The following TTN variants were observed in gnomAD, a reference collection of about 807,000 sequenced individuals.
TTN encodes the protein connectin.
In TTN, 1,525 loss-of-function variants were observed where a neutral mutation model predicts 3,223.0. The ratio of observed to expected loss-of-function variants is 0.47; its 90% confidence interval spans 0.45 to 0.49. The LOEUF (loss-of-function observed/expected upper bound fraction) is 0.49. Ranked by LOEUF, TTN falls within the 20% of genes least tolerant of loss-of-function variation. The probability of loss-of-function intolerance (pLI) is 0.00; values close to 1 mark genes in which losing one functional copy is unlikely to be tolerated. For missense variants in TTN, 40,786 were observed against 43,424.0 expected (o/e 0.94, Z 5.40); for synonymous variants, 14,094 against 15,161.0 (o/e 0.93, Z 5.17).
rs1316888674 is a variant in TTN at position 178,553,655 on chromosome 2, C to G, written c.89350G>C (p.Val29784Leu). ...GTTCTGACCTCTCCTTTGGTAGAGA[C>G]AGTAGTCCATTCCTCTTCCTCTCCT... Reference protein sequence around the residue: ...RQGEEEEWTTVSTKGEVRTTE... With the variant: ...RQGEEEEWTTLSTKGEVRTTE... Residue 29784 changes from valine to leucine, a missense_variant, in exon 334 of 363, where the codon GTC becomes CTC. Transcript: ENST00000589042. The G allele has an allele frequency of 1.2e-6, 2 of 1,613,746 alleles. No homozygotes were observed. The highest frequency in any genetic ancestry group is 8.5e-7 in the Non-Finnish European group (1 of 1,179,822).
At position 178,616,269 on chromosome 2, in the gene TTN, CACAAG is replaced by C. The variant is rs376890023; in HGVS notation, c.48312+205_48312+209del. Among the ~76,000 whole-genome samples the C allele has an allele frequency of 4.4e-3, 673 of 151,778 alleles. 4 individuals are homozygous for C. The highest frequency in any genetic ancestry group is 0.016 in the African/African-American group (645 of 41,438). On this transcript the variant is annotated intron_variant, in intron 257 of 362. Coordinates refer to ENST00000589042, the MANE Select transcript of TTN (RefSeq NM_001267550.2). ...TTTTTATTACAAATTTGGTAAGGCT[CACAAG>C]ACAAGACAATTACAATTATACAATC...
At chr2:178,679,782 C>A in intron 140 of TTN, 100 bp from the exon 141 acceptor site, 1 of 1,545,924 alleles carries the variant, frequency 6.5e-7, no homozygotes, top group Non-Finnish European at 8.8e-7. Context: ...AAAATATCTG[C>A]TTTAAAGTAA....
Position 178,664,075 on chromosome 2 carries a change from T to A in TTN, c.36304A>T (p.Ile12102Phe), listed in dbSNP as rs747495121. The A allele has an allele frequency of 6.2e-7, 1 of 1,612,846 alleles. No individual in the cohort carries two copies. The highest frequency in any genetic ancestry group is 1.1e-5 in the South Asian group (1 of 91,012). The change falls in exon 169 of 363, where the codon ATC (isoleucine) becomes TTC (phenylalanine). Residue 12102 changes from isoleucine (I) to phenylalanine (F), a missense_variant. Ile to Phe is a conservative substitution (Grantham distance 21). Coordinates refer to ENST00000589042, the MANE Select transcript of TTN (RefSeq NM_001267550.2). ...VKVHEAPKEI[I>F]PEKKVSVVPP... Reference sequence around the variant, plus strand: ...ACCACCGACACTTTCTTTTCAGGGATAATCTCTTTGGGAGCTTCGTGCACT... The same window carrying A: ...ACCACCGACACTTTCTTTTCAGGGAAAATCTCTTTGGGAGCTTCGTGCACT...
At position 178,617,768 on chromosome 2, in the gene TTN, G is replaced by A; in HGVS notation, c.47572+11C>T. 6.2e-7 allele frequency: 1 copy of A among 1,603,220 alleles called. No individual in the cohort carries two copies. Among genetic ancestry groups the A allele is most frequent in the African/African-American group, 1.4e-5 (1 of 73,900 alleles). On this transcript the variant is annotated intron_variant, in intron 253 of 362. Transcript: ENST00000589042. ...CATGCAGTAATTATTTCCCTTTTTT[G>A]ATGGGCTTACCAATTGGATCAGCAA...
At chr2:178,537,951 T>C in intron 354 of TTN, 34 bp from the exon 355 acceptor site, 2 of 1,510,608 alleles carry the variant, frequency 1.3e-6, no homozygotes, top group Non-Finnish European at 1.8e-6. Context: ...TAAGTGACTG[T>C]TAATACTCAA....
chr2:178,770,911 T>A lies in TTN; in HGVS notation c.8117-236A>T, dbSNP rs1047695894. Reference sequence around the variant, plus strand: ...ATGCTTTAGTAGTATGAAGTTTGCATAGCTATGTATTAGCAGCATAATAGA... The same window carrying A: ...ATGCTTTAGTAGTATGAAGTTTGCAAAGCTATGTATTAGCAGCATAATAGA... On this transcript the variant is annotated intron_variant, in intron 34 of 362. Transcript: ENST00000589042. 2.9e-5 allele frequency: 23 copies of A among 794,738 alleles called. No individual in the cohort carries two copies. In the Middle Eastern group the frequency reaches 1.8e-3, roughly 62 times the overall value. The allele number at this position is 794,738 out of a possible 1,614,324, so 49.2% of individuals were successfully genotyped here.
chr2:178,548,708 T>G lies in TTN; in HGVS notation c.92918A>C (p.His30973Pro). 6.2e-7 allele frequency: 1 copy of G among 1,613,904 alleles called. No individual in the cohort carries two copies. Among genetic ancestry groups the G allele is most frequent in the Non-Finnish European group, 8.5e-7 (1 of 1,179,800 alleles). The change falls in exon 339 of 363, where the codon CAT becomes CCT. Residue 30973 changes from histidine (H) to proline (P), a missense_variant. Transcript: ENST00000589042. The surrounding 1 kb of genome is among the most constrained non-coding windows in gnomAD (Gnocchi z 4.3). ...DSNLSLRADIHTTDSFSTLTV... is the reference protein window; with the variant it reads ...DSNLSLRADIPTTDSFSTLTV... The stretch of plus-strand genomic sequence containing the variant: ...GAGGGTGCTGAAGGAATCTGTTGTA[T>G]GGATATCAGCCCGAAGGCTAAGGTT...
At chr2:178,791,555 T>C (rs2093494673) in intron 10 of TTN, among the ~76,000 whole-genome samples, 1 of 152,052 alleles carries the variant, frequency 6.6e-6, no homozygotes, top group South Asian at 2.1e-4. Flanking sequence ...CAACCGTGAA[T>C]TGAAGGAATT....
Position 178,652,535 on chromosome 2 carries a change from T to C in TTN, c.39050A>G (p.Glu13017Gly), listed in dbSNP as rs368056479. The C allele has an allele frequency of 4.0e-5, 65 of 1,613,282 alleles. No individual in the cohort carries two copies. In the East Asian group the frequency reaches 1.3e-3, roughly 33 times the overall value. Residue 13017 changes from glutamate (E) to glycine (G), a missense_variant, in exon 202 of 363, where the codon GAG (glutamate) becomes GGG (glycine). Coordinates refer to ENST00000589042, the MANE Select transcript of TTN (RefSeq NM_001267550.2). The part of the protein sequence containing the change: ...KPEVPPVKVP[E>G]APKEVVPEKK... ...TTCAGGAACAACTTCTTTCGGAGCC[T>C]CTGGCACTTAAAAGATATTAGTGAA...
chr2:178,547,286 G>C lies in TTN; in HGVS notation c.94239C>G (p.Thr31413=). 1.9e-6 allele frequency: 3 copies of C among 1,609,904 alleles called. No homozygotes were observed. Among genetic ancestry groups the C allele is most frequent in the Non-Finnish European group, 2.5e-6 (3 of 1,177,428 alleles). The change falls in exon 340 of 363, where the codon ACC becomes ACG. Residue 31413 remains threonine (T), a synonymous_variant. Transcript: ENST00000589042. ...CAGACACATGGTAGACCTCAGGTCTGGTAGGAGCGCTTGGTGGGACTAAAT... is the reference window on the plus strand; with the variant it reads ...CAGACACATGGTAGACCTCAGGTCTCGTAGGAGCGCTTGGTGGGACTAAAT... ...EHPFVPPSAP[T]RPEVYHVSAN...
Position 178,695,408 on chromosome 2 carries a change from A to T in TTN, c.31210T>A (p.Ser10404Thr). The change falls in exon 115 of 363, where the codon TCA (serine) becomes ACA (threonine). Residue 10404 changes from serine (S) to threonine (T), a missense_variant and splice_region_variant. Physicochemically the swap from Ser to Thr is moderately conservative, Grantham distance 58 (BLOSUM62 1). Coordinates refer to ENST00000589042, the MANE Select transcript of TTN (RefSeq NM_001267550.2). ...TTGGCTGGAACTTTTCTCTCATGTG[A>T]TTCTGAAATAAAAACACAGGAATAA... ...IQVQKEVYEE[S>T]HERKVPAKVP... 6.2e-7 allele frequency: 1 copy of T among 1,611,986 alleles called. No individual in the cohort carries two copies. Among genetic ancestry groups the T allele is most frequent in the South Asian group, 1.1e-5 (1 of 90,938 alleles).
Position 178,530,401 on chromosome 2 carries a change from G to C in TTN, c.106214C>G (p.Thr35405Ser), listed in dbSNP as rs1688580203. 6.2e-7 allele frequency: 1 copy of C among 1,613,874 alleles called. No homozygotes were observed. Among genetic ancestry groups the C allele is most frequent in the Non-Finnish European group, 8.5e-7 (1 of 1,179,860 alleles). The change falls in exon 358 of 363, where the codon ACC (threonine) becomes AGC (serine). Residue 35405 changes from threonine to serine, a missense_variant. Thr to Ser is a moderately conservative substitution (Grantham distance 58, BLOSUM62 1). Coordinates refer to ENST00000589042, the MANE Select transcript of TTN (RefSeq NM_001267550.2). ...AGGAGCTTTTGGTTCAGTTTTTCTG[G>C]TTACTGTTGACTCAGTGGTTTTCTG... ...SDQKTTESTVTRKTEPKAPEP... is the reference protein window; with the variant it reads ...SDQKTTESTVSRKTEPKAPEP...
In TTN at chr2:178,730,854, T is replaced by TG; in HGVS notation, c.17741-63_17741-62insC. 6 of 1,530,942 alleles carry TG rather than the reference T, an allele frequency of 3.9e-6. No homozygotes were observed. The South Asian group carries it at 8.0e-5, about 20-fold the overall frequency. 94.8% of individuals were successfully genotyped at this position (1,530,942 alleles called of 1,614,324 possible). A position where few individuals can be genotyped will look rare whatever the true frequency, so the allele number is the denominator to read the frequency against. On this transcript the variant is annotated intron_variant, in intron 60 of 362. Coordinates refer to ENST00000589042, the MANE Select transcript of TTN (RefSeq NM_001267550.2). ...TCAATCTACTAATTTGTTTTTGTTTTTTTTTTTAAATTTTAAGGGAAGAAG... is the reference window on the plus strand; with the variant it reads ...TCAATCTACTAATTTGTTTTTGTTTTGTTTTTTTAAATTTTAAGGGAAGAAG...
At chr2:178,537,942 A>C in intron 354 of TTN, 25 bp from the exon 355 acceptor site, 1 of 1,550,214 alleles carries the variant, frequency 6.5e-7, no homozygotes, top group Non-Finnish European at 8.7e-7. Context: ...AGATAATATT[A>C]AGTGACTGTT....
Position 178,646,524 on chromosome 2 carries a change from G to A in TTN, c.40258C>T (p.Pro13420Ser), listed in dbSNP as rs2062028448. ...EIEKYIKPEE[P>S]EPEPQPEEIP... Reference sequence around the variant, plus strand: ...TCTTCAGGCTGTGGTTCAGGTTCGGGCTCTTCAGGTTTAATATACTTTTCA... The same window carrying A: ...TCTTCAGGCTGTGGTTCAGGTTCGGACTCTTCAGGTTTAATATACTTTTCA... Residue 13420 changes from proline (P) to serine (S), a missense_variant, in exon 216 of 363, where the codon CCC becomes TCC. Coordinates refer to ENST00000589042, the MANE Select transcript of TTN (RefSeq NM_001267550.2). 2 of 1,547,612 alleles carry A rather than the reference G, an allele frequency of 1.3e-6. No individual in the cohort carries two copies. Among genetic ancestry groups the A allele is most frequent in the African/African-American group, 1.4e-5 (1 of 72,870 alleles).
chr2:178,730,722 A>G lies in TTN; in HGVS notation c.17811T>C (p.Asp5937=), dbSNP rs1307898216. The G allele has an allele frequency of 6.2e-7, 1 of 1,613,484 alleles. No homozygotes were observed. The highest frequency in any genetic ancestry group is 1.1e-5 in the South Asian group (1 of 91,028). The change falls in exon 61 of 363, where the codon GAT becomes GAC. Residue 5937 remains aspartate (D), a synonymous_variant. Transcript: ENST00000589042. The part of the protein sequence containing the change: ...KMDSIKGSFI[D]LECIVAGSHP... ...GTGACCCAGCCACTATACATTCTAA[A>G]TCAATGAAAGAACCTTTAATGCTGT...
At position 178,605,113 on chromosome 2, in the gene TTN, A is replaced by G. The variant is rs188437486; in HGVS notation, c.54064T>C (p.Ser18022Pro). ...AGCTCAGTTTTTGCCTCACTTCGGG[A>G]TACCTCTTCCTTGGTTATCTGAAGT... Reference protein sequence around the residue: ...DALQITKEEVSRSEAKTELSI... With the variant: ...DALQITKEEVPRSEAKTELSI... Residue 18022 changes from serine (S) to proline (P), a missense_variant, in exon 280 of 363, where the codon TCC (serine) becomes CCC (proline). By Grantham distance (74) the Ser-to-Pro change is moderately conservative (BLOSUM62 -1). Coordinates refer to ENST00000589042, the MANE Select transcript of TTN (RefSeq NM_001267550.2). 6.2e-7 allele frequency: 1 copy of G among 1,612,746 alleles called. No homozygotes were observed. The highest frequency in any genetic ancestry group is 2.2e-5 in the East Asian group (1 of 44,688).
intron 44 of TTN, chr2:178,758,770 A>T (rs1473938879): frequency 8.5e-6 from 5 of 590,864 alleles, no homozygotes; most frequent in Non-Finnish European, 1.5e-5. Context: ...ACAGAGAAAA[A>T]GCGGGGCCAA....
In TTN at chr2:178,528,943, ACTT is replaced by A. The variant is rs746621748; in HGVS notation, c.106805_106807del (p.Glu35602del). 18 of 1,613,904 alleles carry A rather than the reference ACTT, an allele frequency of 1.1e-5. No individual in the cohort carries two copies. In the South Asian group the frequency reaches 1.6e-4, roughly 15 times the overall value. ...TGCTTTAATCTCAGCATGAGTTCTG[ACTT>A]CTTCTGATGCCTGTGATGTTTTAGT... On this transcript the variant is annotated inframe_deletion, in exon 360 of 363. Transcript: ENST00000589042.
Sources: allele counts gnomAD v4.1 joint callset (sites outside exome capture counted in the v4.1 genomes callset), GRCh38; gene constraint gnomAD v4.1.1; non-coding constraint Gnocchi (gnomAD v3.1); transcripts MANE v1.5; gene names NCBI Gene and HGNC (gene_info 2026-07-23, HGNC 2026-07-21).